COL21A1: variants seen among roughly 807,000 people sequenced by gnomAD.
COL21A1 encodes collagen alpha-1(XXI) chain.
Under a neutral mutation model 137.9 loss-of-function variants are expected in COL21A1, and 149 were observed. The observed-to-expected ratio is 1.08, with a 90% CI of 0.95 to 1.24. The LOEUF is 1.24. Among genes scored for constraint, COL21A1 ranks in the 50% most tolerant of loss-of-function variants. The probability of loss-of-function intolerance (pLI) is 0.00; values close to 1 mark genes in which losing one functional copy is unlikely to be tolerated. For missense variants in COL21A1, 1,167 were observed against 1,158.4 expected, an observed-to-expected ratio of 1.01 and a Z score of -0.11; for synonymous variants, 456 against 391.5, an observed-to-expected ratio of 1.16 and a Z score of -1.95.
At chr6:56,197,799 C>G (rs1473334342) in intron 1 of COL21A1, among the ~76,000 whole-genome samples, 1 of 151,960 alleles carries the variant, frequency 6.6e-6, no homozygotes, top group Non-Finnish European at 1.5e-5. Flanking sequence ...ATAGAGGTTC[C>G]TCAAAAAAAT....
At position 56,166,898 on chromosome 6, in the gene COL21A1, C is replaced by CT. The variant is rs1444178276; in HGVS notation, c.1278+7dup. The stretch of plus-strand genomic sequence containing the variant: ...ACATCTGGGAAAAAAACAATCCCTC[C>CT]TACTTACAAATCCAGGAATCTCACA... On this transcript the variant is annotated splice_region_variant and intron_variant, in intron 7 of 29. Coordinates refer to ENST00000244728, the MANE Select transcript of COL21A1 (RefSeq NM_030820.4). 2.5e-6 allele frequency: 4 copies of CT among 1,608,666 alleles called. No homozygotes were observed. Among genetic ancestry groups the CT allele is most frequent in the East Asian group, 2.2e-5 (1 of 44,806 alleles).
chr6:56,151,083 G>A (rs1582492401), intron 10 of COL21A1, among the ~76,000 whole-genome samples: 1 of 151,992 alleles, frequency 6.6e-6, no homozygotes, highest in South Asian at 2.1e-4. Flanking sequence ...AAAATTGACC[G>A]GGCGTGGTGG....
chr6:56,256,951 A>C (rs2152330012), intron 1 of COL21A1, among the ~76,000 whole-genome samples: 1 of 152,286 alleles, frequency 6.6e-6, no homozygotes, highest in Non-Finnish European at 1.5e-5. Context: ...GAGGAGCTCT[A>C]AATTTAAATT....
intron 10 of COL21A1, among the ~76,000 whole-genome samples, chr6:56,153,370 A>C (rs1436879653): frequency 1.3e-5 from 2 of 152,104 alleles, no homozygotes; most frequent in Non-Finnish European, 2.9e-5. Context: ...AACGCCCTCC[A>C]ACCTGCCTAT....
intron 22 of COL21A1, chr6:56,068,719 G>C (rs1766474799): frequency 1.1e-5 from 2 of 179,302 alleles, no homozygotes; most frequent in South Asian, 3.1e-4. Context: ...CCTGACATTG[G>C]ACAATTTTCC....
At chr6:56,141,019 A>T (rs2152236150) in intron 12 of COL21A1, among the ~76,000 whole-genome samples, 1 of 152,314 alleles carries the variant, frequency 6.6e-6, no homozygotes, top group Admixed American at 6.5e-5. Context: ...AGGAACATTT[A>T]TTCCCACAAA....
At chr6:56,260,833 ATTTAC>A (rs71749790) in intron 1 of COL21A1, among the ~76,000 whole-genome samples, 37,307 of 118,704 alleles carry the variant, frequency 0.31, 6,004 homozygotes, top group East Asian at 0.69. Context: ...TTGGAGCACA[ATTTAC>A]TTTAATTCAC....
intron 1 of COL21A1, among the ~76,000 whole-genome samples, chr6:56,330,041 CTA>C (rs1212872644): frequency 2.6e-5 from 4 of 152,084 alleles, no homozygotes; most frequent in Non-Finnish European, 5.9e-5. Context: ...AATATAACCT[CTA>C]TTAGATCTTA....
chr6:56,225,030 C>A (rs1217517935), intron 1 of COL21A1, among the ~76,000 whole-genome samples: 1 of 151,642 alleles, frequency 6.6e-6, no homozygotes, highest in Non-Finnish European at 1.5e-5. Flanking sequence ...AAAATTCTGA[C>A]CCTCCAGGAA....
chr6:56,240,280 C>T (rs551512411), intron 1 of COL21A1, among the ~76,000 whole-genome samples: 4 of 152,112 alleles, frequency 2.6e-5, no homozygotes, highest in African/African-American at 9.6e-5. Context: ...CTGGCTTTCC[C>T]TTAGTCTTCC....
intron 16 of COL21A1, among the ~76,000 whole-genome samples, chr6:56,117,845 G>A (rs560501843): frequency 1.3e-5 from 2 of 151,984 alleles, no homozygotes; most frequent in Non-Finnish European, 2.9e-5. Context: ...GTGAGTCAAT[G>A]AAGAAATTAA....
chr6:56,252,531 A>G (rs1303496608), upstream of COL21A1, among the ~76,000 whole-genome samples: 1 of 152,222 alleles, frequency 6.6e-6, no homozygotes, highest in East Asian at 1.9e-4. Flanking sequence ...AAAAAGAGGC[A>G]TCAGACAAAG....
intron 1 of COL21A1, among the ~76,000 whole-genome samples, chr6:56,376,888 C>A (rs1210380970): frequency 7.6e-6 from 1 of 131,724 alleles, no homozygotes; most frequent in Admixed American, 9.1e-5. Flanking sequence ...AAAAAAATCA[C>A]CTTCATAAGA....
intron 22 of COL21A1, chr6:56,068,751 T>C (rs1766478282): frequency 9.9e-6 from 2 of 202,442 alleles, no homozygotes; most frequent in Non-Finnish European, 2.0e-5. Flanking sequence ...TTAGCTCCCC[T>C]GGTTTGTGAA....
Position 56,131,444 on chromosome 6 carries a change from C to A in COL21A1, c.1543-5295G>T, listed in dbSNP as rs926322680. Among the ~76,000 whole-genome samples, 4 of 151,516 alleles carry A rather than the reference C, an allele frequency of 2.6e-5. No homozygotes were observed. The East Asian group carries it at 7.8e-4, about 29-fold the overall frequency. On this transcript the variant is annotated intron_variant, in intron 12 of 29. Transcript: ENST00000244728. ...GTAAAAACACTGGGATTGGGAGATA[C>A]AATTGTTTTTCTCATCTCTAATGTA...
chr6:56,141,741 T>C, intron 12 of COL21A1, 44 bp downstream of exon 12: 2 of 1,591,582 alleles, frequency 1.3e-6, no homozygotes, highest in Non-Finnish European at 1.7e-6. Flanking sequence ...ATCCTTTATC[T>C]TTGAGGGACT....
Position 56,146,093 on chromosome 6 carries a change from T to C in COL21A1, c.1435-4110A>G, listed in dbSNP as rs530619391. The stretch of plus-strand genomic sequence containing the variant: ...TATTCTGCCAATCTAAATATACACA[T>C]TTTTGCAAAGTAGTGAGGAGGGTAG... On this transcript the variant is annotated intron_variant, in intron 10 of 29. Coordinates refer to ENST00000244728, the MANE Select transcript of COL21A1 (RefSeq NM_030820.4). 6.6e-5 allele frequency among the ~76,000 whole-genome samples: 10 copies of C among 152,272 alleles called. No homozygotes were observed. In the South Asian group the frequency reaches 1.9e-3, roughly 28 times the overall value.
chr6:56,378,665 G>A (rs1479676082), intron 1 of COL21A1, among the ~76,000 whole-genome samples: 3 of 152,212 alleles, frequency 2.0e-5, no homozygotes, highest in African/African-American at 7.2e-5. Context: ...TGCCCTTAAG[G>A]GAAGGACATG....
chr6:56,269,718 C>T (rs1489682626), intron 1 of COL21A1, among the ~76,000 whole-genome samples: 1 of 150,240 alleles, frequency 6.7e-6, no homozygotes, highest in East Asian at 2.0e-4. Flanking sequence ...CCCCATCAGG[C>T]TAGCAGTGGA....
Sources: allele counts gnomAD v4.1 joint callset (sites outside exome capture counted in the v4.1 genomes callset), GRCh38; gene constraint gnomAD v4.1.1; transcripts MANE v1.5; gene names NCBI Gene and HGNC (gene_info 2026-07-23, HGNC 2026-07-21).